Variants in TRPC4 observed in about 807,000 individuals in gnomAD.
TRPC4 encodes transient receptor potential cation channel subfamily C member 4, also known as short transient receptor potential channel 4.
A neutral mutation model predicts 99.4 loss-of-function variants in TRPC4; 49 were observed. The ratio of observed to expected loss-of-function variants is 0.49; its 90% CI spans 0.39 to 0.63. TRPC4 has a LOEUF of 0.63. Ranked by LOEUF, TRPC4 falls within the 20% of genes least tolerant of loss-of-function variation. The pLI is 0.00. For missense variants in TRPC4, 898 were observed against 1,152.9 expected, an observed-to-expected ratio of 0.78 and a Z score of 3.20; for synonymous variants, 454 against 425.9, an observed-to-expected ratio of 1.07 and a Z score of -0.81.
intron 6 of TRPC4, among the ~76,000 whole-genome samples, chr13:37,662,995 C>T (rs2957217): frequency 0.36 from 54,811 of 152,102 alleles, 10,266 homozygotes; most frequent in African/African-American, 0.4. Flanking sequence ...GAAAGAGATA[C>T]ATAAACGGAC....
At chr13:37,822,411 G>C (rs375878299) in intron 1 of TRPC4, among the ~76,000 whole-genome samples, 6 of 151,814 alleles carry the variant, frequency 4.0e-5, no homozygotes, top group Middle Eastern at 3.4e-3. Context: ...ATCTCCTAAT[G>C]CTATCCCTCC....
intron 5 of TRPC4, 53 bp downstream of exon 5, chr13:37,674,175 A>G: frequency 1.4e-6 from 2 of 1,450,688 alleles, no homozygotes; most frequent in East Asian, 5.0e-5. Context: ...AGTTGAAAGT[A>G]TATCATTAAT....
chr13:37,700,385 A>AGAGG (rs1177569020), intron 3 of TRPC4, among the ~76,000 whole-genome samples: 6 of 152,164 alleles, frequency 3.9e-5, no homozygotes, highest in Non-Finnish European at 7.4e-5. Flanking sequence ...TGAGCCACTG[A>AGAGG]CATTTTCCAC....
intron 10 of TRPC4, 47 bp from the exon 11 acceptor site, chr13:37,637,672 G>C: frequency 6.6e-7 from 1 of 1,512,758 alleles, no homozygotes. Context: ...TTAAACATTT[G>C]GAAACATCAT....
At chr13:37,864,560 T>C (rs545985708) in intron 1 of TRPC4, among the ~76,000 whole-genome samples, 32 of 151,800 alleles carry the variant, frequency 2.1e-4, no homozygotes, top group Admixed American at 3.3e-4. Flanking sequence ...ATAAAATACA[T>C]TAATTATGTC....
At chr13:37,767,316 T>G (rs1298454715) in intron 2 of TRPC4, among the ~76,000 whole-genome samples, 1 of 141,084 alleles carries the variant, frequency 7.1e-6, no homozygotes, top group Non-Finnish European at 1.5e-5. Context: ...TAAAACACAC[T>G]CCCCAGAGAT....
At chr13:37,813,546 A>G (rs1043766522) in intron 1 of TRPC4, among the ~76,000 whole-genome samples, 2 of 151,820 alleles carry the variant, frequency 1.3e-5, no homozygotes, top group African/African-American at 4.8e-5. Context: ...AGACTTAAAC[A>G]GGGAACACTA....
intron 2 of TRPC4, among the ~76,000 whole-genome samples, chr13:37,779,337 T>G (rs1956780786): frequency 6.6e-6 from 1 of 151,892 alleles, no homozygotes; most frequent in Admixed American, 6.6e-5. Flanking sequence ...AGACTATCAG[T>G]GCAATGATTC....
At chr13:37,661,134 A>G (rs970831954) in intron 6 of TRPC4, among the ~76,000 whole-genome samples, 1 of 152,226 alleles carries the variant, frequency 6.6e-6, no homozygotes, top group Non-Finnish European at 1.5e-5. Flanking sequence ...ATATGTAATT[A>G]TATGTTGCTT....
intron 1 of TRPC4, among the ~76,000 whole-genome samples, chr13:37,791,341 A>T (rs1957112602): frequency 6.7e-6 from 1 of 149,914 alleles, no homozygotes; most frequent in South Asian, 2.1e-4. Context: ...GGTTGCAGTG[A>T]GCCGATATCG....
At chr13:37,640,043 A>G (rs1403316404) in intron 8 of TRPC4, among the ~76,000 whole-genome samples, 1 of 151,994 alleles carries the variant, frequency 6.6e-6, no homozygotes, top group African/African-American at 2.4e-5. Flanking sequence ...ATGACATTAA[A>G]GTTATATATT....
intron 1 of TRPC4, among the ~76,000 whole-genome samples, chr13:37,797,875 T>G (rs1246917066): frequency 6.6e-6 from 1 of 152,178 alleles, no homozygotes; most frequent in Non-Finnish European, 1.5e-5. Flanking sequence ...ATTTTGTTAT[T>G]CTGCACAGTC....
At position 37,637,072 on chromosome 13, in the gene TRPC4, TG is replaced by T. The variant is rs1171202612; in HGVS notation, c.2764del (p.Gln922ArgfsTer2). 6.2e-7 allele frequency: 1 copy of T among 1,613,686 alleles called. No individual in the cohort carries two copies. The highest frequency in any genetic ancestry group is 8.5e-7 in the Non-Finnish European group (1 of 1,179,800). On this transcript the variant is annotated frameshift_variant, in exon 11 of 11. Transcript: ENST00000379705. LOFTEE classifies it high-confidence loss of function. ...GAATGGACACACTCTCTTTCCTACC[TG>T]TAACCCCAGTGTGTCCGTATTCCTT... ...RERNTDTLGL[Q>X]VGKRVCPFKS...
intron 2 of TRPC4, among the ~76,000 whole-genome samples, chr13:37,777,448 G>C (rs189293542): frequency 6.6e-6 from 1 of 151,834 alleles, no homozygotes; most frequent in South Asian, 2.1e-4. Flanking sequence ...ACAGCACTAG[G>C]GAGATGGTAC....
At chr13:37,781,470 C>G (rs1485703379) in intron 2 of TRPC4, among the ~76,000 whole-genome samples, 2 of 152,046 alleles carry the variant, frequency 1.3e-5, no homozygotes, top group African/African-American at 4.8e-5. Context: ...AGATTAAAAA[C>G]AGACTCTTAC....
intron 2 of TRPC4, among the ~76,000 whole-genome samples, chr13:37,765,250 T>G (rs923481563): frequency 4.0e-5 from 6 of 151,388 alleles, no homozygotes; most frequent in African/African-American, 1.5e-4. Context: ...GACCAGGTAT[T>G]AATTCATTAA....
At chr13:37,729,419 T>C (rs563549705) in intron 3 of TRPC4, among the ~76,000 whole-genome samples, 1 of 134,508 alleles carries the variant, frequency 7.4e-6, no homozygotes, top group South Asian at 2.5e-4. Context: ...AAAACACTTG[T>C]GGAGGTTTCT....
At chr13:37,749,838 CTTG>C (rs796090515) in intron 2 of TRPC4, among the ~76,000 whole-genome samples, 11 of 152,144 alleles carry the variant, frequency 7.2e-5, no homozygotes, top group African/African-American at 2.4e-4. Context: ...TCGTTTTATA[CTTG>C]TTATTAAAGT....
At chr13:37,856,271 G>A (rs538567972) in intron 1 of TRPC4, among the ~76,000 whole-genome samples, 2 of 149,942 alleles carry the variant, frequency 1.3e-5, no homozygotes, top group African/African-American at 4.9e-5. Context: ...AAATCTAGAA[G>A]AAATGGACAA....
Sources: gnomAD v4.1 joint callset for allele counts (sites outside exome capture counted in the v4.1 genomes callset) on GRCh38, gnomAD v4.1.1 for gene constraint, MANE v1.5 for transcripts, NCBI Gene and HGNC (gene_info 2026-07-23, HGNC 2026-07-21) for gene names.